Variants in GALNTL6 observed in about 807,000 individuals in gnomAD.
The protein encoded by GALNTL6 is polypeptide N-acetylgalactosaminyltransferase like 6, also known as polypeptide N-acetylgalactosaminyltransferase-like 6.
Under a neutral mutation model 73.7 loss-of-function variants are expected in GALNTL6, and 46 were observed. That is an observed-to-expected ratio of 0.62 (90% CI 0.49 to 0.80). The LOEUF is 0.80. GALNTL6 is among the 30% of genes least tolerant of loss of function. The pLI is 0.00. For synonymous variants in GALNTL6, 259 were observed against 263.7 expected, an observed-to-expected ratio of 0.98 and a Z score of 0.17; for missense variants, 604 against 755.0, an observed-to-expected ratio of 0.80 and a Z score of 2.34.
chr4:171,822,440 G>A (rs1019916635), intron 2 of GALNTL6, among the ~76,000 whole-genome samples: 1 of 152,106 alleles, frequency 6.6e-6, no homozygotes, highest in Non-Finnish European at 1.5e-5. Flanking sequence ...AGTTCCACAC[G>A]TGGAAACACA....
intron 2 of GALNTL6, among the ~76,000 whole-genome samples, chr4:172,122,337 C>A (rs928398251): frequency 6.6e-6 from 1 of 152,058 alleles, no homozygotes. Context: ...GATATGGAGT[C>A]TTGTTCCAAT....
chr4:171,860,504 G>A (rs980620189), intron 2 of GALNTL6, among the ~76,000 whole-genome samples: 1 of 152,120 alleles, frequency 6.6e-6, no homozygotes, highest in Non-Finnish European at 1.5e-5. Context: ...GCTCATTGTG[G>A]AACAATCAGT....
chr4:172,450,517 C>T (rs4437211), intron 5 of GALNTL6, among the ~76,000 whole-genome samples: 3,592 of 152,266 alleles, frequency 0.024, 219 homozygotes, highest in Admixed American at 0.15. Context: ...TTTAGTTCAA[C>T]GTACAGAATC....
intron 2 of GALNTL6, among the ~76,000 whole-genome samples, chr4:171,911,109 T>C (rs1347886914): frequency 3.3e-5 from 5 of 152,182 alleles, no homozygotes; most frequent in Non-Finnish European, 5.9e-5. Context: ...ATGCTGTTGG[T>C]CCTGAGAAGG....
At position 172,164,518 on chromosome 4, in the gene GALNTL6, C is replaced by G. The variant is rs145689120; in HGVS notation, c.139-65138C>G. Among the ~76,000 whole-genome samples, 615 of 151,972 alleles carry G rather than the reference C, an allele frequency of 4.0e-3. 2 individuals are homozygous for G. The highest frequency in any genetic ancestry group is 6.8e-3 in the Middle Eastern group (2 of 294). On this transcript the variant is annotated intron_variant, in intron 2 of 12. Transcript: ENST00000506823. ...AGATTTTAATATACTTTATTAGTCA[C>G]CTTTTCAAGTTTACTACTTTTCAAG...
intron 2 of GALNTL6, among the ~76,000 whole-genome samples, chr4:171,964,534 C>G (rs1172323219): frequency 6.6e-6 from 1 of 152,078 alleles, no homozygotes; most frequent in Non-Finnish European, 1.5e-5. Flanking sequence ...TTATATGGCT[C>G]CAGCCTGGTT....
intron 2 of GALNTL6, among the ~76,000 whole-genome samples, chr4:171,981,864 A>G (rs1739906940): frequency 6.6e-6 from 1 of 151,922 alleles, no homozygotes; most frequent in African/African-American, 2.4e-5. Flanking sequence ...CCTTAATTCT[A>G]TTTAAATAAA....
intron 2 of GALNTL6, among the ~76,000 whole-genome samples, chr4:172,166,464 T>C (rs1734628924): frequency 6.6e-6 from 1 of 151,970 alleles, no homozygotes; most frequent in South Asian, 2.1e-4. Context: ...AAAAATTGTA[T>C]ATGATGTTAT....
chr4:172,312,601 G>C (rs1355804027), intron 4 of GALNTL6, among the ~76,000 whole-genome samples: 1 of 152,024 alleles, frequency 6.6e-6, no homozygotes, highest in Non-Finnish European at 1.5e-5. Flanking sequence ...TGGTGTGAGA[G>C]AGAGAAAATC....
intron 2 of GALNTL6, among the ~76,000 whole-genome samples, chr4:171,897,363 A>C (rs1736952608): frequency 6.6e-6 from 1 of 152,210 alleles, no homozygotes; most frequent in South Asian, 2.1e-4. Flanking sequence ...AAAGTGCTAG[A>C]ATATAAATTG....
chr4:172,378,533 G>T (rs1743136711), intron 5 of GALNTL6, among the ~76,000 whole-genome samples: 1 of 152,088 alleles, frequency 6.6e-6, no homozygotes, highest in Non-Finnish European at 1.5e-5. Context: ...CCAGTGATTT[G>T]ATGGAATTCG....
intron 2 of GALNTL6, among the ~76,000 whole-genome samples, chr4:171,951,508 G>T (rs987319452): frequency 6.6e-6 from 1 of 151,680 alleles, no homozygotes; most frequent in Non-Finnish European, 1.5e-5. Context: ...AAAATCACGA[G>T]TAAAAATTTA....
At chr4:172,372,343 A>G (rs1742848131) in intron 5 of GALNTL6, among the ~76,000 whole-genome samples, 1 of 152,180 alleles carries the variant, frequency 6.6e-6, no homozygotes, top group African/African-American at 2.4e-5. Context: ...TCCCTCAAGG[A>G]GTAGCACCTG....
rs186245522 is a variant in GALNTL6, at chr4:172,373,128, A to G, written c.553+24439A>G. 1.1e-3 allele frequency among the ~76,000 whole-genome samples: 166 copies of G among 152,326 alleles called. 1 individual carries two copies. The highest frequency in any genetic ancestry group is 4.0e-3 in the African/African-American group (165 of 41,580). ...TGCCTGGACTTGAGAAGTGGCCTAGATCTTGGGCCAGTGCCTGACCAAACA... is the reference window on the plus strand; with the variant it reads ...TGCCTGGACTTGAGAAGTGGCCTAGGTCTTGGGCCAGTGCCTGACCAAACA... On this transcript the variant is annotated intron_variant, in intron 5 of 12. Coordinates refer to ENST00000506823, the MANE Select transcript of GALNTL6 (RefSeq NM_001034845.3).
At chr4:171,933,401 T>C (rs1391746342) in intron 2 of GALNTL6, among the ~76,000 whole-genome samples, 2 of 152,218 alleles carry the variant, frequency 1.3e-5, no homozygotes, top group East Asian at 3.8e-4. Context: ...TTAGCTTTCA[T>C]ATAGACAAAT....
chr4:172,326,236 A>G (rs1160389620), intron 4 of GALNTL6, among the ~76,000 whole-genome samples: 2 of 151,996 alleles, frequency 1.3e-5, no homozygotes, highest in East Asian at 3.8e-4. Flanking sequence ...AAGAGAAAAA[A>G]CCCTCAAATC....
chr4:172,632,575 A>G (rs1019920749), intron 5 of GALNTL6, among the ~76,000 whole-genome samples: 3 of 152,212 alleles, frequency 2.0e-5, no homozygotes, highest in African/African-American at 7.2e-5. Context: ...AATATTCAAG[A>G]GGAAGCAGAG....
intron 2 of GALNTL6, among the ~76,000 whole-genome samples, chr4:172,118,527 C>A (rs1051338689): frequency 1.3e-5 from 2 of 151,894 alleles, no homozygotes; most frequent in African/African-American, 4.8e-5. Flanking sequence ...TGGTGAAACC[C>A]CGTCTCTACT....
At chr4:172,583,731 CT>C (rs1737283916) in intron 5 of GALNTL6, among the ~76,000 whole-genome samples, 2 of 151,770 alleles carry the variant, frequency 1.3e-5, no homozygotes, top group Admixed American at 6.6e-5. Flanking sequence ...GAAACCCCAT[CT>C]CTACTAAAAA....
Sources: allele counts gnomAD v4.1 joint callset (sites outside exome capture counted in the v4.1 genomes callset), GRCh38; gene constraint gnomAD v4.1.1; transcripts MANE v1.5; gene names NCBI Gene and HGNC (gene_info 2026-07-23, HGNC 2026-07-21).